Variants in MITF observed in about 807,000 individuals in gnomAD.
MITF encodes melanocyte inducing transcription factor, also known as microphthalmia-associated transcription factor.
Under a neutral mutation model 60.5 loss-of-function variants are expected in MITF, and 17 were observed. The observed-to-expected ratio is 0.28, with a 90% CI of 0.19 to 0.42. The LOEUF (loss-of-function observed/expected upper bound fraction) is 0.42, where lower values mean the gene tolerates loss of function less well. MITF is among the 10% of genes least tolerant of loss of function. MITF has a pLI of 1.00. For missense variants in MITF, 622 were observed against 683.5 expected, an observed-to-expected ratio of 0.91 and a Z score of 1.00; for synonymous variants, 260 against 248.5, an observed-to-expected ratio of 1.05 and a Z score of -0.43.
At chr3:69,905,172 G>C (rs569409932) in intron 2 of MITF, among the ~76,000 whole-genome samples, 8 of 152,072 alleles carry the variant, frequency 5.3e-5, no homozygotes, top group African/African-American at 1.9e-4. Context: ...TTTGATTTGT[G>C]TCACTATAGA....
chr3:69,936,407 A>G (rs551461833), intron 2 of MITF, among the ~76,000 whole-genome samples: 1 of 152,288 alleles, frequency 6.6e-6, no homozygotes, highest in South Asian at 2.1e-4. Context: ...CTCGTCACTT[A>G]AAAAGGTTCT....
chr3:69,752,873 C>G (rs578124339), intron 1 of MITF, among the ~76,000 whole-genome samples: 1 of 152,194 alleles, frequency 6.6e-6, no homozygotes, highest in African/African-American at 2.4e-5. Context: ...GCCTCACTCC[C>G]CTTTTGCCTT....
In MITF at chr3:69,779,391, A is replaced by T. The variant is rs2062526749; in HGVS notation, c.104+39690A>T. ...ACACTGAAGGTGCAAGTTAAATATG[A>T]TGGGGTGTGGAATAGGGAAAGATTA... On this transcript the variant is annotated intron_variant, in intron 1 of 9. Coordinates refer to ENST00000352241, the MANE Select transcript of MITF (RefSeq NM_001354604.2). Among the ~76,000 whole-genome samples the T allele has an allele frequency of 4.6e-5, 7 of 152,162 alleles. No individual in the cohort carries two copies. The South Asian group carries it at 1.2e-3, about 27-fold the overall frequency.
At chr3:69,786,689 G>A (rs2062655058) in intron 1 of MITF, among the ~76,000 whole-genome samples, 1 of 151,968 alleles carries the variant, frequency 6.6e-6, no homozygotes, top group Admixed American at 6.6e-5. Flanking sequence ...TTGCTTGTAT[G>A]GGCTTATCCT....
chr3:69,840,615 A>G (rs936213406), intron 1 of MITF, among the ~76,000 whole-genome samples: 2 of 152,196 alleles, frequency 1.3e-5, no homozygotes, highest in African/African-American at 4.8e-5. Flanking sequence ...AAAATTAATT[A>G]TCAATGATTT....
intron 7 of MITF, among the ~76,000 whole-genome samples, chr3:69,953,893 G>A (rs2066331534): frequency 6.6e-6 from 1 of 151,970 alleles, no homozygotes; most frequent in African/African-American, 2.4e-5. Context: ...TGTAAAAATA[G>A]CACACTGGGG....
chr3:69,843,102 A>G (rs1370510721), intron 1 of MITF, among the ~76,000 whole-genome samples: 5 of 152,132 alleles, frequency 3.3e-5, no homozygotes, highest in Non-Finnish European at 7.4e-5. Flanking sequence ...GCCAGGGACT[A>G]TAACCTTGAG....
chr3:69,750,769 T>C (rs1703908554), intron 1 of MITF, among the ~76,000 whole-genome samples: 1 of 152,122 alleles, frequency 6.6e-6, no homozygotes, highest in Non-Finnish European at 1.5e-5. Flanking sequence ...GAAAAAATCA[T>C]GGCACTAAGG....
Position 69,880,610 on chromosome 3 carries a change from G to C in MITF, c.354+1227G>C, listed in dbSNP as rs559745210. 1.1e-4 allele frequency among the ~76,000 whole-genome samples: 16 copies of C among 151,986 alleles called. No individual in the cohort carries two copies. In the South Asian group the frequency reaches 3.1e-3, roughly 30 times the overall value. Reference sequence around the variant, plus strand: ...TTTTTTACCCGTCAGTTAACTCAAGGTTTTCTCTCTGGAGTAGATGATGCA... The same window carrying C: ...TTTTTTACCCGTCAGTTAACTCAAGCTTTTCTCTCTGGAGTAGATGATGCA... On this transcript the variant is annotated intron_variant, in intron 2 of 9. Coordinates refer to ENST00000352241, the MANE Select transcript of MITF (RefSeq NM_001354604.2).
chr3:69,938,726 A>G (rs2065902052), intron 3 of MITF: 1 of 1,305,822 alleles, frequency 7.7e-7, no homozygotes, highest in Non-Finnish European at 9.7e-7. Context: ...CTGTGATTTA[A>G]TGCTCATTAT....
chr3:69,885,511 C>T (rs950641753), intron 2 of MITF, among the ~76,000 whole-genome samples: 18 of 151,940 alleles, frequency 1.2e-4, no homozygotes, highest in Non-Finnish European at 2.1e-4. Flanking sequence ...ACCAGTAGAA[C>T]GTGCATCCTC....
chr3:69,880,821 T>G (rs2064469990), intron 2 of MITF, among the ~76,000 whole-genome samples: 1 of 152,112 alleles, frequency 6.6e-6, no homozygotes, highest in Non-Finnish European at 1.5e-5. Context: ...ATGTCTATTT[T>G]ATTCATCATA....
chr3:69,912,868 G>A (rs1421883128), intron 2 of MITF, among the ~76,000 whole-genome samples: 1 of 152,116 alleles, frequency 6.6e-6, no homozygotes, highest in African/African-American at 2.4e-5. Context: ...CTATATAAAG[G>A]TCCAGTATGT....
At chr3:69,808,128 T>A (rs2063039958) in intron 1 of MITF, among the ~76,000 whole-genome samples, 1 of 141,234 alleles carries the variant, frequency 7.1e-6, no homozygotes. Flanking sequence ...ATATATAATA[T>A]AAAAATATAT....
At chr3:69,859,692 G>C (rs1472361996) in intron 1 of MITF, among the ~76,000 whole-genome samples, 2 of 151,998 alleles carry the variant, frequency 1.3e-5, no homozygotes, top group Non-Finnish European at 2.9e-5. Context: ...AGATGATGGT[G>C]ATGCACTCTC....
At chr3:69,914,714 A>C (rs78491776) in intron 2 of MITF, among the ~76,000 whole-genome samples, 2,376 of 152,226 alleles carry the variant, frequency 0.016, 29 homozygotes, top group Middle Eastern at 0.051. Flanking sequence ...GTAGTTCTTC[A>C]GGGGGATGGG....
intron 1 of MITF, among the ~76,000 whole-genome samples, chr3:69,779,558 G>A (rs1028962328): frequency 6.6e-6 from 1 of 152,128 alleles, no homozygotes; most frequent in Admixed American, 6.6e-5. Flanking sequence ...TTTCTGATAA[G>A]GGTCAAAATG....
chr3:69,804,032 C>T (rs1017953910), intron 1 of MITF, among the ~76,000 whole-genome samples: 16 of 152,058 alleles, frequency 1.1e-4, no homozygotes, highest in African/African-American at 2.4e-4. Flanking sequence ...GAAGAACTTG[C>T]GGTTGAACAC....
At chr3:69,926,310 G>A (rs985025510) in intron 2 of MITF, among the ~76,000 whole-genome samples, 1 of 152,170 alleles carries the variant, frequency 6.6e-6, no homozygotes, top group South Asian at 2.1e-4. Context: ...GTTATTAGGA[G>A]ATGGCTGCTT....
Sources: allele counts gnomAD v4.1 joint callset (sites outside exome capture counted in the v4.1 genomes callset), GRCh38; gene constraint gnomAD v4.1.1; transcripts MANE v1.5; gene names NCBI Gene and HGNC (gene_info 2026-07-23, HGNC 2026-07-21).